ZNF385D: variants seen among roughly 807,000 people sequenced by gnomAD.
ZNF385D encodes zinc finger protein 659.
In ZNF385D, 15 loss-of-function variants were observed where a neutral mutation model predicts 35.8. The observed-to-expected ratio is 0.42, with a 90% confidence interval of 0.28 to 0.64. The LOEUF (loss-of-function observed/expected upper bound fraction) is 0.64, where lower values mean the gene tolerates loss of function less well. Among genes scored for constraint, ZNF385D ranks in the 30% least tolerant of loss-of-function variants. The probability of loss-of-function intolerance (pLI) is 0.23; values close to 1 mark genes in which losing one functional copy is unlikely to be tolerated. For missense variants in ZNF385D, 474 were observed against 494.6 expected (o/e 0.96, Z 0.39); for synonymous variants, 212 against 186.8 (o/e 1.13, Z -1.10).
intron 3 of ZNF385D, among the ~76,000 whole-genome samples, chr3:21,848,843 A>G (rs879818604): frequency 7.9e-5 from 12 of 152,080 alleles, no homozygotes; most frequent in Admixed American, 2.0e-4. Flanking sequence ...CTCGTCTTAC[A>G]TAGACTCTAA....
intron 2 of ZNF385D, among the ~76,000 whole-genome samples, chr3:22,228,899 T>G (rs965263630): frequency 6.6e-6 from 1 of 152,238 alleles, no homozygotes; most frequent in Non-Finnish European, 1.5e-5. Flanking sequence ...GCTTTTGGAC[T>G]CTTGGACCTA....
chr3:21,810,542 G>GTGTA lies in ZNF385D; in HGVS notation c.326-145518_326-145515dup, dbSNP rs569970008. 4.2e-3 allele frequency among the ~76,000 whole-genome samples: 640 copies of GTGTA among 151,962 alleles called. 1 individual carries two copies. Among genetic ancestry groups the GTGTA allele is most frequent in the African/African-American group, 0.015 (618 of 41,446 alleles). On this transcript the variant is annotated intron_variant, in intron 3 of 5. Coordinates refer to the ZNF385D transcript ENST00000494108. ...TATAATAAAAAAACTATATATGTGT[G>GTGTA]TGTATGTATGTATGTATATGTTTAT... is the stretch of plus-strand genomic sequence containing the variant.
intron 3 of ZNF385D, among the ~76,000 whole-genome samples, chr3:22,013,069 G>C (rs1412847991): frequency 6.6e-6 from 1 of 152,068 alleles, no homozygotes; most frequent in African/African-American, 2.4e-5. Flanking sequence ...ATTTAAAGTA[G>C]ATAAGCTCAA....
intron 2 of ZNF385D, among the ~76,000 whole-genome samples, chr3:22,290,106 G>A (rs750348690): frequency 2.0e-5 from 3 of 152,110 alleles, no homozygotes; most frequent in Admixed American, 6.5e-5. Context: ...TGTATGCTTA[G>A]TCCATTATGC....
At chr3:22,137,791 T>A (rs2125697672) in intron 3 of ZNF385D, among the ~76,000 whole-genome samples, 1 of 152,092 alleles carries the variant, frequency 6.6e-6, no homozygotes, top group South Asian at 2.1e-4. Flanking sequence ...ACCACTCCTA[T>A]TCAATATAGT....
At chr3:22,029,811 G>C (rs541052017) in intron 3 of ZNF385D, among the ~76,000 whole-genome samples, 1 of 152,078 alleles carries the variant, frequency 6.6e-6, no homozygotes, top group Non-Finnish European at 1.5e-5. Context: ...GTCTTTATTT[G>C]AAGATTATGT....
chr3:22,306,339 A>G (rs952570694), intron 2 of ZNF385D, among the ~76,000 whole-genome samples: 4 of 151,844 alleles, frequency 2.6e-5, no homozygotes, highest in Admixed American at 6.6e-5. Flanking sequence ...GGTTAAAAAA[A>G]GTCTTTTTTT....
chr3:22,039,271 AAAG>A (rs1458026762), intron 3 of ZNF385D, among the ~76,000 whole-genome samples: 7 of 122,230 alleles, frequency 5.7e-5, no homozygotes, highest in African/African-American at 2.5e-4. Flanking sequence ...AAAAAAAAAA[AAAG>A]AGTCTATGTA....
chr3:22,227,853 T>G (rs765642836), intron 2 of ZNF385D, among the ~76,000 whole-genome samples: 111 of 152,310 alleles, frequency 7.3e-4, no homozygotes, highest in Admixed American at 3.3e-3. Context: ...CAGAACTACC[T>G]CTGAGCTGCT....
intron 3 of ZNF385D, among the ~76,000 whole-genome samples, chr3:21,876,413 T>G (rs673684): frequency 0.5 from 75,675 of 150,968 alleles, 19,323 homozygotes; most frequent in Non-Finnish European, 0.54. Flanking sequence ...GTGAGTTTTA[T>G]CTGTTAACAC....
intron 2 of ZNF385D, among the ~76,000 whole-genome samples, chr3:22,341,508 C>T (rs1695418278): frequency 6.6e-6 from 1 of 152,192 alleles, no homozygotes; most frequent in Non-Finnish European, 1.5e-5. Flanking sequence ...TCTGACATCT[C>T]TAGAGGTCAG....
intron 3 of ZNF385D, among the ~76,000 whole-genome samples, chr3:21,770,644 C>T (rs1343658828): frequency 2.0e-5 from 3 of 152,166 alleles, no homozygotes; most frequent in Non-Finnish European, 4.4e-5. Context: ...GTTGGTGGGA[C>T]TGTAAACTAG....
Position 21,435,812 on chromosome 3 carries a change from C to T in ZNF385D, c.673+1158G>A, listed in dbSNP as rs1046018751. ...TTCTACCTTAAGGCCAGGTACTTTT[C>T]TGTGTTTCTTAGTACCTGAACTCAT... On this transcript the variant is annotated intron_variant, in intron 5 of 7. Transcript: ENST00000281523. Among the ~76,000 whole-genome samples, 13 of 152,138 alleles carry T rather than the reference C, an allele frequency of 8.5e-5. No individual in the cohort carries two copies. The South Asian group carries it at 1.4e-3, about 17-fold the overall frequency.
chr3:22,154,092 A>G (rs1166488165), intron 3 of ZNF385D, among the ~76,000 whole-genome samples: 2 of 152,164 alleles, frequency 1.3e-5, no homozygotes, highest in Non-Finnish European at 2.9e-5. Context: ...ATTGGGAGTA[A>G]GGATCATCTC....
chr3:22,271,290 T>C (rs1701164380), intron 2 of ZNF385D, among the ~76,000 whole-genome samples: 2 of 151,926 alleles, frequency 1.3e-5, no homozygotes, highest in Admixed American at 6.6e-5. Flanking sequence ...AAGGCAGAGA[T>C]ATAGAAGAAA....
intron 2 of ZNF385D, among the ~76,000 whole-genome samples, chr3:21,598,789 C>T (rs972670241): frequency 2.6e-5 from 4 of 152,182 alleles, no homozygotes; most frequent in African/African-American, 4.8e-5. Flanking sequence ...ATGAGTTTCA[C>T]GACATATGTT....
At chr3:21,592,760 C>A (rs183559239) in intron 2 of ZNF385D, among the ~76,000 whole-genome samples, 43 of 152,242 alleles carry the variant, frequency 2.8e-4, no homozygotes, top group South Asian at 8.3e-4. Flanking sequence ...AGAATAAAAC[C>A]TATTCCATTT....
intron 3 of ZNF385D, among the ~76,000 whole-genome samples, chr3:21,911,927 A>G (rs1486628450): frequency 6.6e-6 from 1 of 151,952 alleles, no homozygotes; most frequent in East Asian, 1.9e-4. Context: ...ATATTAATAT[A>G]TCAAACTAAA....
chr3:22,168,424 C>G (rs1235834755), intron 3 of ZNF385D: 1 of 152,114 alleles, frequency 6.6e-6, no homozygotes, highest in Admixed American at 6.5e-5. Context: ...TTATTTCAAA[C>G]CAATTGCAGT....
Sources: gnomAD v4.1 joint callset for allele counts (sites outside exome capture counted in the v4.1 genomes callset) on GRCh38, gnomAD v4.1.1 for gene constraint, MANE v1.5 for transcripts, NCBI Gene and HGNC (gene_info 2026-07-23, HGNC 2026-07-21) for gene names.